The following WWC2 variants were observed in gnomAD, a reference collection of about 807,000 sequenced individuals.
WWC2 encodes WW and C2 domain containing 2.
A neutral mutation model predicts 138.5 loss-of-function variants in WWC2; 101 were observed. That is an observed-to-expected ratio of 0.73 (90% CI 0.62 to 0.86). The LOEUF (loss-of-function observed/expected upper bound fraction) is 0.86. WWC2 is among the 40% of genes least tolerant of loss of function. WWC2 has a pLI of 0.00. For missense variants in WWC2, 1,420 were observed against 1,419.4 expected, an observed-to-expected ratio of 1.00 and a Z score of -0.01; for synonymous variants, 558 against 538.4, an observed-to-expected ratio of 1.04 and a Z score of -0.50.
At chr4:183,253,083 G>A (rs1009679005) in intron 8 of WWC2, among the ~76,000 whole-genome samples, 4 of 152,146 alleles carry the variant, frequency 2.6e-5, no homozygotes, top group Non-Finnish European at 5.9e-5. Flanking sequence ...GTCTCGCTAT[G>A]TTGCCCAGGC....
chr4:183,110,575 T>TA (rs1215950293), intron 1 of WWC2, among the ~76,000 whole-genome samples: 1 of 151,936 alleles, frequency 6.6e-6, no homozygotes, highest in Admixed American at 6.6e-5. Context: ...TTGGGAGCTG[T>TA]TTTTTCACTC....
At chr4:183,184,383 A>G (rs1025673544) in intron 1 of WWC2, among the ~76,000 whole-genome samples, 5 of 152,134 alleles carry the variant, frequency 3.3e-5, no homozygotes, top group Admixed American at 6.5e-5. Context: ...TCACCTGTCT[A>G]TGGGAATTTG....
Position 183,284,438 on chromosome 4 carries a change from C to T in WWC2, c.3048+48C>T, listed in dbSNP as rs575067306. 19 of 1,593,306 alleles carry T rather than the reference C, an allele frequency of 1.2e-5. No individual in the cohort carries two copies. In the East Asian group the frequency reaches 3.6e-4, roughly 30 times the overall value. ...GAGGCGCTGGGACTGCAGCTTCTTC[C>T]CTGCTGGTAGGGAGTGGCCTGCAAA... On this transcript the variant is annotated intron_variant, in intron 19 of 22. Coordinates refer to ENST00000403733, the MANE Select transcript of WWC2 (RefSeq NM_024949.6).
Position 183,099,404 on chromosome 4 carries a change from G to T in WWC2, c.-88G>T, listed in dbSNP as rs1743081775. The T allele has an allele frequency of 8.6e-7, 1 of 1,163,348 alleles. No homozygotes were observed. 72.1% of individuals were successfully genotyped at this position (1,163,348 alleles called of 1,614,324 possible). The stretch of plus-strand genomic sequence containing the variant: ...CCCCTCGCCGGCGCCCGCGTCGCGG[G>T]TTGGCAGCCTAGCCCGGCAGCCGCG... On this transcript the variant is annotated 5_prime_UTR_variant, in exon 1 of 23. Transcript: ENST00000403733.
chr4:183,316,071 A>G lies in WWC2; in HGVS notation c.*342A>G, dbSNP rs1160621857. The G allele has an allele frequency of 2.0e-5, 4 of 202,556 alleles. No homozygotes were observed. The highest frequency in any genetic ancestry group is 4.1e-5 in the Non-Finnish European group (4 of 98,754). The allele number at this position is 202,556 out of a possible 1,614,324, so 12.5% of individuals were successfully genotyped here. A position where few individuals can be genotyped will look rare whatever the true frequency, so the allele number is the denominator to read the frequency against. On this transcript the variant is annotated 3_prime_UTR_variant, in exon 23 of 23. Transcript: ENST00000403733. The stretch of plus-strand genomic sequence containing the variant: ...GTACTGTTGAGCCGGCTGTTGAGAA[A>G]CAACTTGGTTCAGCCGGTGGTTTTG...
intron 4 of WWC2, among the ~76,000 whole-genome samples, chr4:183,223,609 T>C (rs1459966848): frequency 6.6e-6 from 1 of 152,258 alleles, no homozygotes; most frequent in African/African-American, 2.4e-5. Context: ...TCAATATTTA[T>C]GTTTCTCATT....
chr4:183,311,389 C>T (rs1187979506), intron 21 of WWC2, among the ~76,000 whole-genome samples: 1 of 152,112 alleles, frequency 6.6e-6, no homozygotes. Context: ...AAAGAAGCCA[C>T]ACCCTAAAGA....
intron 1 of WWC2, among the ~76,000 whole-genome samples, chr4:183,151,892 G>C (rs1338795911): frequency 6.6e-6 from 1 of 152,046 alleles, no homozygotes; most frequent in Non-Finnish European, 1.5e-5. Flanking sequence ...CTATTCCATT[G>C]GTCTATATAT....
chr4:183,108,426 A>G (rs1732114283), intron 1 of WWC2, among the ~76,000 whole-genome samples: 1 of 152,104 alleles, frequency 6.6e-6, no homozygotes, highest in Non-Finnish European at 1.5e-5. Flanking sequence ...ATACCTGACC[A>G]GTACCCCTCA....
intron 1 of WWC2, among the ~76,000 whole-genome samples, chr4:183,171,010 T>G (rs1322119650): frequency 6.6e-6 from 1 of 152,254 alleles, no homozygotes; most frequent in African/African-American, 2.4e-5. Flanking sequence ...GAAGAGAGAA[T>G]GTAACTGATG....
intron 21 of WWC2, among the ~76,000 whole-genome samples, chr4:183,300,802 A>G (rs1031089212): frequency 3.9e-5 from 6 of 152,000 alleles, no homozygotes. Context: ...TGTAGTCACC[A>G]TAGAAATGCT....
chr4:183,308,480 A>G (rs1404120499), intron 21 of WWC2, among the ~76,000 whole-genome samples: 3 of 152,228 alleles, frequency 2.0e-5, no homozygotes, highest in Non-Finnish European at 4.4e-5. Context: ...CTGTAAAGCT[A>G]TGGTAATCAA....
At chr4:183,223,978 C>A (rs555344625) in intron 4 of WWC2, among the ~76,000 whole-genome samples, 1 of 152,114 alleles carries the variant, frequency 6.6e-6, no homozygotes, top group African/African-American at 2.4e-5. Context: ...CTATCCCCCC[C>A]ACCTCGGCCT....
intron 14 of WWC2, among the ~76,000 whole-genome samples, chr4:183,268,317 G>A (rs1345260436): frequency 1.3e-5 from 2 of 152,154 alleles, no homozygotes; most frequent in East Asian, 1.9e-4. Flanking sequence ...TCACTTTAAG[G>A]TAGTATTAGA....
rs552264517 is a variant in WWC2 at position 183,300,390 on chromosome 4, T to G, written c.3384+10755T>G. 5.9e-5 allele frequency among the ~76,000 whole-genome samples: 9 copies of G among 152,204 alleles called. No homozygotes were observed. The South Asian group carries it at 1.9e-3, about 32-fold the overall frequency. ...TGTTTCCCTGTCAAAATGCCAAAAT[T>G]TTATGGTGCTAGACTGCAGAACTGC... On this transcript the variant is annotated intron_variant, in intron 21 of 22. Coordinates refer to ENST00000403733, the MANE Select transcript of WWC2 (RefSeq NM_024949.6).
In WWC2 at chr4:183,193,838, A is replaced by G. The variant is rs116378068; in HGVS notation, c.241+130A>G. 1.6e-3 allele frequency: 1,207 copies of G among 765,496 alleles called. 7 individuals are homozygous for G. In the African/African-American group the frequency reaches 0.018, roughly 11 times the overall value. 47.4% of individuals were successfully genotyped at this position (765,496 alleles called of 1,614,324 possible). ...CCCATTTTCTTAGTGACTAATATTT[A>G]ACTGAAGTGCCTGTCTTGGTATTTG... On this transcript the variant is annotated intron_variant, in intron 2 of 22. Coordinates refer to ENST00000403733, the MANE Select transcript of WWC2 (RefSeq NM_024949.6).
rs1337079285 is a variant in WWC2 at position 183,208,012 on chromosome 4, A to G, written c.301A>G (p.Lys101Glu). 6.2e-7 allele frequency: 1 copy of G among 1,613,554 alleles called. No homozygotes were observed. The highest frequency in any genetic ancestry group is 2.2e-5 in the East Asian group (1 of 44,868). The change falls in exon 3 of 23, where the codon AAG (lysine) becomes GAG (glutamate). Residue 101 changes from lysine (K) to glutamate (E), a missense_variant. Lys to Glu is a moderately conservative substitution (Grantham distance 56, BLOSUM62 1). Transcript: ENST00000403733. ...QWRGEQEKML[K>E]DYLSVAQDAL... is the part of the protein sequence containing the mutation. ...GAGGGGGGAACAGGAGAAGATGCTC[A>G]AGGACTACCTCTCTGTGGCACAGGA... is the stretch of plus-strand genomic sequence containing the variant.
chr4:183,306,313 G>A (rs541933880), intron 21 of WWC2, among the ~76,000 whole-genome samples: 1 of 152,232 alleles, frequency 6.6e-6, no homozygotes, highest in East Asian at 1.9e-4. Context: ...TCAGTGGTCT[G>A]AATATACCAA....
rs1331846616 is a variant in WWC2, at chr4:183,282,895, A to G, written c.2872A>G (p.Ile958Val). Residue 958 changes from isoleucine to valine, a missense_variant, in exon 18 of 23, where the codon ATA (isoleucine) becomes GTA (valine). Physicochemically the swap from Ile to Val is conservative, Grantham distance 29. Transcript: ENST00000403733. ...CCTCAGAAGTCAGCCACCTACTAGA[A>G]TACCAACACTGGTGACTATTCCGCT... ...KDLRSQPPTR[I>V]PTLVDKETNT... 1.3e-6 allele frequency: 2 copies of G among 1,580,872 alleles called. No individual in the cohort carries two copies. Among genetic ancestry groups the G allele is most frequent in the Non-Finnish European group, 1.7e-6 (2 of 1,162,900 alleles).
Sources: allele counts gnomAD v4.1 joint callset (sites outside exome capture counted in the v4.1 genomes callset), GRCh38; gene constraint gnomAD v4.1.1; transcripts MANE v1.5; gene names NCBI Gene and HGNC (gene_info 2026-07-23, HGNC 2026-07-21).